NAALADL2: variants seen among roughly 807,000 people sequenced by gnomAD.
The protein encoded by NAALADL2 is N-acetylated alpha-linked acidic dipeptidase like 2.
Under a neutral mutation model 87.2 loss-of-function variants are expected in NAALADL2, and 76 were observed. The ratio of observed to expected loss-of-function variants is 0.87; its 90% confidence interval spans 0.72 to 1.05. The LOEUF (loss-of-function observed/expected upper bound fraction) is 1.05. Among genes scored for constraint, NAALADL2 ranks in the 50% least tolerant of loss-of-function variants. NAALADL2 has a pLI of 0.00. For missense variants in NAALADL2, 1,089 were observed against 945.8 expected, an observed-to-expected ratio of 1.15 and a Z score of -1.99; for synonymous variants, 354 against 331.0, an observed-to-expected ratio of 1.07 and a Z score of -0.75.
intron 9 of NAALADL2, among the ~76,000 whole-genome samples, chr3:175,495,186 T>A (rs1728648911): frequency 6.6e-6 from 1 of 151,764 alleles, no homozygotes; most frequent in Admixed American, 6.6e-5. Context: ...TATTGAATTC[T>A]TAAGTGTCCA....
intron 3 of NAALADL2, among the ~76,000 whole-genome samples, chr3:174,823,235 CTCT>C (rs914952477): frequency 4.0e-5 from 6 of 151,132 alleles, no homozygotes; most frequent in Admixed American, 1.3e-4. Context: ...TGTTTCTTTC[CTCT>C]TCTTTTTTTT....
intron 5 of NAALADL2, among the ~76,000 whole-genome samples, chr3:175,335,115 C>T (rs1320923717): frequency 6.6e-6 from 1 of 152,170 alleles, no homozygotes; most frequent in African/African-American, 2.4e-5. Flanking sequence ...TGGACAAAAC[C>T]TCACCACGTC....
At chr3:175,603,891 G>A (rs1582587614) in intron 10 of NAALADL2, among the ~76,000 whole-genome samples, 1 of 152,234 alleles carries the variant, frequency 6.6e-6, no homozygotes, top group East Asian at 1.9e-4. Context: ...CTACTCAGGA[G>A]GCTGAGGTAG....
At position 175,804,915 on chromosome 3, in the gene NAALADL2, A is replaced by C. The variant is rs1394055969; in HGVS notation, c.*1712A>C. The C allele has an allele frequency of 6.6e-6, 1 of 151,952 alleles. No individual in the cohort carries two copies. The highest frequency in any genetic ancestry group is 2.4e-5 in the African/African-American group (1 of 41,426). 9.4% of individuals were successfully genotyped at this position (151,952 alleles called of 1,614,324 possible). A position where few individuals can be genotyped will look rare whatever the true frequency, so the allele number is the denominator to read the frequency against. On this transcript the variant is annotated 3_prime_UTR_variant, in exon 14 of 14. Transcript: ENST00000454872. ...CACATATTTTTAGATGAAAAATGAA[A>C]CTACCTTACAATATTATTTTTTTAA... is the stretch of plus-strand genomic sequence containing the variant.
At chr3:175,249,355 T>C (rs1429756997) in intron 3 of NAALADL2, among the ~76,000 whole-genome samples, 1 of 152,098 alleles carries the variant, frequency 6.6e-6, no homozygotes, top group Non-Finnish European at 1.5e-5. Flanking sequence ...ATTAGAGAAA[T>C]TAATGTGAAA....
intron 11 of NAALADL2, among the ~76,000 whole-genome samples, chr3:175,708,825 T>TAAA (rs565683274): frequency 6.9e-4 from 93 of 134,708 alleles, no homozygotes; most frequent in African/African-American, 2.3e-3. Flanking sequence ...ACCCAGAGAA[T>TAAA]AAAAAAAAAA....
chr3:175,387,069 A>C (rs1037158017), intron 5 of NAALADL2, among the ~76,000 whole-genome samples: 1 of 152,114 alleles, frequency 6.6e-6, no homozygotes, highest in Non-Finnish European at 1.5e-5. Context: ...GAAGTGGGAA[A>C]ATTTTTTTTT....
At chr3:174,758,444 T>A (rs999734015) in intron 3 of NAALADL2, among the ~76,000 whole-genome samples, 1 of 152,146 alleles carries the variant, frequency 6.6e-6, no homozygotes, top group Non-Finnish European at 1.5e-5. Context: ...TTAAATGTCA[T>A]TGTACCCTTG....
intron 1 of NAALADL2, among the ~76,000 whole-genome samples, chr3:174,877,884 TACAA>T (rs1436226467): frequency 1.3e-5 from 2 of 152,166 alleles, no homozygotes; most frequent in Non-Finnish European, 2.9e-5. Flanking sequence ...GCAAATTCCT[TACAA>T]ACAATTATAG....
At chr3:175,756,588 C>T (rs1421616461) in intron 13 of NAALADL2, among the ~76,000 whole-genome samples, 2 of 152,028 alleles carry the variant, frequency 1.3e-5, no homozygotes, top group African/African-American at 2.4e-5. Context: ...AATCAAATAC[C>T]GCATGTGCTC....
At chr3:174,855,289 G>A (rs567631953), upstream of NAALADL2, among the ~76,000 whole-genome samples, 8 of 152,192 alleles carry the variant, frequency 5.3e-5, no homozygotes, top group South Asian at 1.4e-3. Context: ...ATCCCTAGGC[G>A]ATAGGAAAAT....
intron 1 of NAALADL2, among the ~76,000 whole-genome samples, chr3:175,041,790 G>A (rs1451055971): frequency 6.6e-6 from 1 of 151,948 alleles, no homozygotes; most frequent in East Asian, 1.9e-4. Context: ...CAGCTTTATT[G>A]AGGTCTAATT....
At chr3:174,846,860 G>T (rs1280927977) in intron 3 of NAALADL2, among the ~76,000 whole-genome samples, 1 of 152,106 alleles carries the variant, frequency 6.6e-6, no homozygotes, top group Non-Finnish European at 1.5e-5. Context: ...GTTTTAGGAA[G>T]ACCACTATAG....
At chr3:174,710,103 TAA>T (rs1174261702) in intron 2 of NAALADL2, among the ~76,000 whole-genome samples, 1 of 152,160 alleles carries the variant, frequency 6.6e-6, no homozygotes, top group African/African-American at 2.4e-5. Flanking sequence ...GTCTCCTAGT[TAA>T]TTGGTTAAAC....
intron 12 of NAALADL2, among the ~76,000 whole-genome samples, chr3:175,746,312 T>G (rs1428009080): frequency 7.7e-6 from 1 of 130,204 alleles, no homozygotes; most frequent in East Asian, 2.3e-4. Context: ...TGTCACTTGG[T>G]TTGTTTTTTT....
chr3:175,736,347 A>G (rs956184942), intron 11 of NAALADL2, among the ~76,000 whole-genome samples: 1 of 152,198 alleles, frequency 6.6e-6, no homozygotes, highest in Non-Finnish European at 1.5e-5. Context: ...ATTAGTTTTG[A>G]TTCTAGAAAA....
At chr3:174,460,634 A>G (rs957213938) in intron 1 of NAALADL2, among the ~76,000 whole-genome samples, 9 of 151,706 alleles carry the variant, frequency 5.9e-5, no homozygotes, top group Non-Finnish European at 1.3e-4. Flanking sequence ...AGAAATGGTA[A>G]TATTCTGCTT....
At chr3:175,655,473 C>G (rs1380428875) in intron 11 of NAALADL2, 1 of 380,292 alleles carries the variant, frequency 2.6e-6, no homozygotes, top group African/African-American at 2.1e-5. Flanking sequence ...GTTTTTCTTC[C>G]TAAATAGTGA....
rs59484298 is a variant in NAALADL2, at chr3:175,409,279, T to TA, written c.1091-37941dup. ...AGATTCTCTTTTTTACTTGTTACTT[T>TA]AAAAAAAAAGAAAGAAAATAAATAT... is the stretch of plus-strand genomic sequence containing the variant. On this transcript the variant is annotated intron_variant, in intron 5 of 13. Transcript: ENST00000454872. Among the ~76,000 whole-genome samples, 10 of 151,038 alleles carry TA rather than the reference T, an allele frequency of 6.6e-5. No homozygotes were observed. In the East Asian group the frequency reaches 9.7e-4, roughly 15 times the overall value.
Sources: gnomAD v4.1 joint callset for allele counts (sites outside exome capture counted in the v4.1 genomes callset) on GRCh38, gnomAD v4.1.1 for gene constraint, MANE v1.5 for transcripts, NCBI Gene and HGNC (gene_info 2026-07-23, HGNC 2026-07-21) for gene names.